The following IQCM variants were observed in gnomAD, a reference collection of about 807,000 sequenced individuals.
IQCM encodes the protein IQ motif containing M, also known as IQ domain-containing protein M.
IQCM carries 45 observed loss-of-function variants against 57.6 expected under a neutral mutation model. That is an observed-to-expected ratio of 0.78 (90% CI 0.62 to 1.00). IQCM has a LOEUF of 1.00. Ranked by LOEUF, IQCM falls within the 50% of genes least tolerant of loss-of-function variation. IQCM has a pLI of 0.00. For missense variants in IQCM, 468 were observed against 511.6 expected (o/e 0.91, Z 0.82); for synonymous variants, 148 against 158.9 (o/e 0.93, Z 0.51).
chr4:149,708,749 T>C (rs1764343443), intron 5 of IQCM, among the ~76,000 whole-genome samples: 1 of 152,078 alleles, frequency 6.6e-6, no homozygotes, highest in Non-Finnish European at 1.5e-5. Context: ...CACCTTGCAT[T>C]AGGAGTCATA....
At chr4:149,413,060 A>T (rs1250050000) in intron 13 of IQCM, among the ~76,000 whole-genome samples, 3 of 152,184 alleles carry the variant, frequency 2.0e-5, no homozygotes, top group Non-Finnish European at 4.4e-5. Context: ...ACTCATATTT[A>T]TCTGTGTATA....
At chr4:149,520,497 C>T (rs1432449047) in intron 12 of IQCM, among the ~76,000 whole-genome samples, 1 of 152,096 alleles carries the variant, frequency 6.6e-6, no homozygotes, top group African/African-American at 2.4e-5. Flanking sequence ...TTATCAACAA[C>T]ACAATACTGC....
At chr4:149,525,782 A>G (rs1746098848) in intron 12 of IQCM, among the ~76,000 whole-genome samples, 1 of 151,962 alleles carries the variant, frequency 6.6e-6, no homozygotes, top group South Asian at 2.1e-4. Context: ...AAGATTTCAT[A>G]TTACCAAAGA....
intron 5 of IQCM, among the ~76,000 whole-genome samples, chr4:149,717,068 C>G (rs532580940): frequency 6.2e-4 from 94 of 152,260 alleles, no homozygotes; most frequent in African/African-American, 2.2e-3. Flanking sequence ...TCATTTACAT[C>G]TTTTATTATA....
Position 149,669,382 on chromosome 4 carries a change from T to G in IQCM, c.565+12736A>C, listed in dbSNP as rs186194958. On this transcript the variant is annotated intron_variant, in intron 7 of 13. Transcript: ENST00000636793. ...TTGTAGATACTGCATATTAGCCCTT[T>G]GTCAGATGGGTAGATTGTAAAAATT... is the stretch of plus-strand genomic sequence containing the variant. 1.5e-3 allele frequency among the ~76,000 whole-genome samples: 236 copies of G among 152,340 alleles called. 2 individuals are homozygous for G. Among genetic ancestry groups the G allele is most frequent in the Middle Eastern group, 0.014 (4 of 294 alleles).
intron 12 of IQCM, among the ~76,000 whole-genome samples, chr4:149,436,723 C>T (rs376277921): frequency 2.6e-5 from 4 of 152,018 alleles, no homozygotes; most frequent in East Asian, 3.9e-4. Context: ...GCTTCTTTTT[C>T]GATATACTAA....
chr4:149,394,578 C>T (rs1012278396), intron 13 of IQCM, among the ~76,000 whole-genome samples: 3 of 151,946 alleles, frequency 2.0e-5, no homozygotes, highest in African/African-American at 7.2e-5. Context: ...ACTTTCTCTT[C>T]TGATATAACC....
At chr4:149,446,547 C>T (rs1463167743) in intron 12 of IQCM, among the ~76,000 whole-genome samples, 3 of 151,694 alleles carry the variant, frequency 2.0e-5, no homozygotes, top group East Asian at 3.9e-4. Flanking sequence ...TTACAGCAAA[C>T]TAAAACATAC....
intron 13 of IQCM, among the ~76,000 whole-genome samples, chr4:149,391,612 T>C (rs1731861851): frequency 6.6e-6 from 1 of 151,982 alleles, no homozygotes; most frequent in Admixed American, 6.6e-5. Flanking sequence ...TCTTTTTAAA[T>C]GTAGGCATCT....
chr4:149,470,826 A>G (rs1457875253), intron 12 of IQCM, among the ~76,000 whole-genome samples: 1 of 152,250 alleles, frequency 6.6e-6, no homozygotes, highest in African/African-American at 2.4e-5. Context: ...ACTCAAAACC[A>G]CTCAATTACA....
chr4:149,753,419 C>T (rs954716830), intron 2 of IQCM, among the ~76,000 whole-genome samples: 4 of 152,090 alleles, frequency 2.6e-5, no homozygotes, highest in East Asian at 3.9e-4. Context: ...AATAAAAATA[C>T]GTTCTTTCAA....
chr4:149,454,205 C>T (rs1472439502), intron 12 of IQCM, among the ~76,000 whole-genome samples: 1 of 149,802 alleles, frequency 6.7e-6, no homozygotes, highest in Non-Finnish European at 1.5e-5. Flanking sequence ...CATATAAACA[C>T]ATACACACAC....
intron 11 of IQCM, 139 bp downstream of exon 11, chr4:149,553,004 G>A (rs1383659429): frequency 1.3e-5 from 7 of 554,964 alleles, no homozygotes; most frequent in Admixed American, 4.4e-5. Flanking sequence ...TGTACAACAT[G>A]CTAACTTAAA....
intron 13 of IQCM, among the ~76,000 whole-genome samples, chr4:149,371,381 C>G (rs1730359314): frequency 6.6e-6 from 1 of 152,168 alleles, no homozygotes; most frequent in African/African-American, 2.4e-5. Flanking sequence ...AGTACTGAGG[C>G]TGGCTCTGAG....
At chr4:149,396,953 G>C (rs990544454) in intron 13 of IQCM, among the ~76,000 whole-genome samples, 1 of 151,920 alleles carries the variant, frequency 6.6e-6, no homozygotes, top group Non-Finnish European at 1.5e-5. Context: ...TCTGTTGATG[G>C]ACATTTAGGT....
At chr4:149,713,056 G>A (rs1021980854) in intron 5 of IQCM, among the ~76,000 whole-genome samples, 3 of 151,304 alleles carry the variant, frequency 2.0e-5, no homozygotes, top group Non-Finnish European at 4.4e-5. Context: ...GATGATAATA[G>A]GATTTTCTAC....
chr4:149,712,559 T>G (rs1413366095), intron 5 of IQCM, among the ~76,000 whole-genome samples: 2 of 152,124 alleles, frequency 1.3e-5, no homozygotes, highest in African/African-American at 2.4e-5. Flanking sequence ...TATTTAAAAT[T>G]CTCAAGAAGC....
chr4:149,606,708 A>C (rs549377500), intron 8 of IQCM, among the ~76,000 whole-genome samples: 1 of 152,260 alleles, frequency 6.6e-6, no homozygotes, highest in Non-Finnish European at 1.5e-5. Context: ...AATTTAACAA[A>C]GAGATTAAAA....
Position 149,733,444 on chromosome 4 carries a change from T to C in IQCM, c.185A>G (p.Lys62Arg). The change falls in exon 5 of 14, where the codon AAA (lysine) becomes AGA (arginine). Residue 62 changes from lysine to arginine, a missense_variant. Physicochemically the swap from Lys to Arg is conservative, Grantham distance 26. Transcript: ENST00000636793. ...TTTGTCAATCTCCAAAGGTATGTAT[T>C]TGCCAGATTTCGGTTTTTGGTGTTT... The part of the protein sequence containing the change: ...RKKHQKPKSG[K>R]YIPLEIDKKV... 1 of 1,231,828 alleles carries C rather than the reference T, an allele frequency of 8.1e-7. No individual in the cohort carries two copies. The highest frequency in any genetic ancestry group is 1.0e-6 in the Non-Finnish European group (1 of 987,728). 76.3% of individuals were successfully genotyped at this position (1,231,828 alleles called of 1,614,324 possible).
Sources: allele counts gnomAD v4.1 joint callset (sites outside exome capture counted in the v4.1 genomes callset), GRCh38; gene constraint gnomAD v4.1.1; transcripts MANE v1.5; gene names NCBI Gene and HGNC (gene_info 2026-07-23, HGNC 2026-07-21).